Variants in GPM6A observed in about 807,000 individuals in gnomAD.
GPM6A encodes the protein glycoprotein M6A.
In GPM6A, 7 loss-of-function variants were observed where a neutral mutation model predicts 32.1. The observed-to-expected ratio is 0.22, with a 90% CI of 0.12 to 0.41. The LOEUF (loss-of-function observed/expected upper bound fraction) is 0.41, where lower values mean the gene tolerates loss of function less well. Among genes scored for constraint, GPM6A ranks in the 10% least tolerant of loss-of-function variants. The pLI is 1.00. For missense variants in GPM6A, 235 were observed against 347.2 expected (o/e 0.68, Z 2.57); for synonymous variants, 130 against 123.4 (o/e 1.05, Z -0.35).
At chr4:175,955,503 G>A (rs1739956331) in intron 1 of GPM6A, among the ~76,000 whole-genome samples, 1 of 152,130 alleles carries the variant, frequency 6.6e-6, no homozygotes, top group African/African-American at 2.4e-5. Context: ...TGTCCAGTAT[G>A]TATCACATGT....
intron 3 of GPM6A, among the ~76,000 whole-genome samples, chr4:175,672,990 T>C (rs1743165376): frequency 1.3e-5 from 2 of 152,180 alleles, no homozygotes; most frequent in Admixed American, 1.3e-4. Flanking sequence ...TATGCTATAA[T>C]TAGACACATG....
chr4:175,736,315 T>TA (rs550961938), intron 1 of GPM6A, among the ~76,000 whole-genome samples: 37 of 152,044 alleles, frequency 2.4e-4, no homozygotes, highest in Non-Finnish European at 7.4e-5. Context: ...GCACATGGCA[T>TA]AAAAAAAAGT....
At chr4:175,925,112 T>C (rs975185054) in intron 1 of GPM6A, among the ~76,000 whole-genome samples, 1 of 152,214 alleles carries the variant, frequency 6.6e-6, no homozygotes, top group Non-Finnish European at 1.5e-5. Flanking sequence ...CCTGATCACA[T>C]GAAAATCAGA....
At chr4:175,791,044 C>T (rs1250966160) in intron 1 of GPM6A, among the ~76,000 whole-genome samples, 1 of 151,944 alleles carries the variant, frequency 6.6e-6, no homozygotes, top group African/African-American at 2.4e-5. Flanking sequence ...TATGAATGTA[C>T]CTATTTTCTG....
chr4:175,919,574 G>C (rs1273368980), intron 1 of GPM6A, among the ~76,000 whole-genome samples: 1 of 152,148 alleles, frequency 6.6e-6, no homozygotes, highest in Non-Finnish European at 1.5e-5. Flanking sequence ...GGTGAATAAA[G>C]AAAAATTAGG....
At chr4:175,828,155 G>C (rs1735494552) in intron 1 of GPM6A, among the ~76,000 whole-genome samples, 2 of 152,058 alleles carry the variant, frequency 1.3e-5, no homozygotes, top group Non-Finnish European at 2.9e-5. Context: ...GATCTGGCTT[G>C]GCAATTCCTA....
At chr4:175,703,803 T>C (rs1745009968) in intron 1 of GPM6A, among the ~76,000 whole-genome samples, 1 of 152,118 alleles carries the variant, frequency 6.6e-6, no homozygotes, top group African/African-American at 2.4e-5. Context: ...AGGCTAAGGG[T>C]ACTTGCAAGG....
intron 1 of GPM6A, among the ~76,000 whole-genome samples, chr4:175,738,334 A>T (rs974427465): frequency 6.6e-6 from 1 of 152,124 alleles, no homozygotes; most frequent in African/African-American, 2.4e-5. Flanking sequence ...AAATAAAGCT[A>T]CTTTGTTCAC....
intron 3 of GPM6A, among the ~76,000 whole-genome samples, chr4:175,672,431 T>C (rs1360646903): frequency 1.3e-5 from 2 of 152,220 alleles, no homozygotes; most frequent in African/African-American, 4.8e-5. Context: ...AATTACTATA[T>C]AACTCAATTC....
At chr4:175,946,243 C>A (rs185609893) in intron 1 of GPM6A, among the ~76,000 whole-genome samples, 1 of 152,264 alleles carries the variant, frequency 6.6e-6, no homozygotes, top group East Asian at 1.9e-4. Flanking sequence ...TAAGACAAGG[C>A]ACCAAAAACA....
intron 1 of GPM6A, among the ~76,000 whole-genome samples, chr4:175,806,318 T>A (rs934702529): frequency 6.6e-6 from 1 of 152,232 alleles, no homozygotes; most frequent in East Asian, 1.9e-4. Context: ...TATCTATCTA[T>A]CTATCACGCT....
At chr4:175,831,921 G>A (rs900024488) in intron 1 of GPM6A, among the ~76,000 whole-genome samples, 3 of 151,626 alleles carry the variant, frequency 2.0e-5, no homozygotes, top group East Asian at 2.0e-4. Flanking sequence ...ATTTCACCAC[G>A]TTGACCAGGT....
At chr4:175,756,352 T>C (rs1305545963) in intron 1 of GPM6A, among the ~76,000 whole-genome samples, 1 of 152,030 alleles carries the variant, frequency 6.6e-6, no homozygotes, top group Non-Finnish European at 1.5e-5. Flanking sequence ...GCAACACAGT[T>C]CAGTAAAGGA....
intron 2 of GPM6A, among the ~76,000 whole-genome samples, chr4:175,697,047 C>T (rs1744619172): frequency 1.3e-5 from 2 of 152,068 alleles, no homozygotes; most frequent in South Asian, 2.1e-4. Flanking sequence ...CTTGAAATTA[C>T]AGTCATTAAA....
intron 1 of GPM6A, among the ~76,000 whole-genome samples, chr4:175,838,491 A>T (rs1205281068): frequency 2.0e-5 from 3 of 151,408 alleles, no homozygotes; most frequent in African/African-American, 7.3e-5. Context: ...CCTGCAACAA[A>T]GTCAGTAGTC....
intron 1 of GPM6A, among the ~76,000 whole-genome samples, chr4:175,717,448 AT>A (rs200182426): frequency 6.6e-6 from 1 of 152,076 alleles, no homozygotes; most frequent in African/African-American, 2.4e-5. Flanking sequence ...TTAATTATGC[AT>A]TTTTCTGCCT....
chr4:175,885,987 A>C (rs186998183), intron 1 of GPM6A, among the ~76,000 whole-genome samples: 1 of 151,562 alleles, frequency 6.6e-6, no homozygotes. Context: ...TGAAAAGATA[A>C]AACGTAAAAT....
intron 1 of GPM6A, among the ~76,000 whole-genome samples, chr4:175,863,333 C>A (rs927832563): frequency 2.0e-5 from 3 of 152,006 alleles, no homozygotes; most frequent in Non-Finnish European, 4.4e-5. Context: ...AAATCCTATA[C>A]TATGCATAGT....
At chr4:175,990,154 C>T (rs1407580318) in intron 1 of GPM6A, among the ~76,000 whole-genome samples, 1 of 152,208 alleles carries the variant, frequency 6.6e-6, no homozygotes, top group East Asian at 1.9e-4. Context: ...ATACCAACTT[C>T]TCCTAGTTTG....
Sources: gnomAD v4.1 joint callset for allele counts (sites outside exome capture counted in the v4.1 genomes callset) on GRCh38, gnomAD v4.1.1 for gene constraint, MANE v1.5 for transcripts, NCBI Gene and HGNC (gene_info 2026-07-23, HGNC 2026-07-21) for gene names.